MFSD12: variants seen among roughly 807,000 people sequenced by gnomAD.
MFSD12 encodes the protein major facilitator superfamily domain-containing protein 12.
MFSD12 carries 67 observed loss-of-function variants against 51.2 expected under a neutral mutation model. That is an observed-to-expected ratio of 1.31 (90% CI 1.08 to 1.60). MFSD12 has a LOEUF of 1.60. MFSD12 is among the 40% of genes most tolerant of loss of function. The probability of loss-of-function intolerance (pLI) is 0.00; values close to 1 mark genes in which losing one functional copy is unlikely to be tolerated. For synonymous variants in MFSD12, 441 were observed against 316.7 expected (o/e 1.39, Z -4.17); for missense variants, 921 against 673.0 (o/e 1.37, Z -4.08).
intron 1 of MFSD12, 123 bp downstream of exon 1, chr19:3,556,983 G>A (rs1322271283): frequency 5.1e-6 from 5 of 975,122 alleles, no homozygotes; most frequent in Admixed American, 3.6e-5. Context: ...GGGACAGACA[G>A]ACCGAGGGGA....
At position 3,544,711 on chromosome 19, in the gene MFSD12, C is replaced by T; in HGVS notation, c.1442G>A (p.Ter481=). ...ACAGGTGCAGGAGGCTGTCAGGAGT[C>T]AGGGCCGGGCATCACGGTCCCCTGC... ...LRRWDRDARP[*] The change falls in exon 10 of 10, where the codon TGA becomes TAA. Residue 481 remains the stop codon, a stop_retained_variant. Coordinates refer to ENST00000355415, the MANE Select transcript of MFSD12 (RefSeq NM_174983.5). 2 of 1,599,562 alleles carry T rather than the reference C, an allele frequency of 1.3e-6. No individual in the cohort carries two copies. Among genetic ancestry groups the T allele is most frequent in the East Asian group, 4.5e-5 (2 of 44,622 alleles).
intron 4 of MFSD12, chr19:3,538,930 G>GCATAGAGCTGGGGGCTC: frequency 1.5e-6 from 1 of 655,182 alleles, no homozygotes; most frequent in South Asian, 1.7e-5. Context: ...GGTGGGGGGT[G>GCATAGAGCTGGGGGCTC]CATAGAGCTG....
chr19:3,544,493 G>C lies in MFSD12; in HGVS notation c.*217C>G. 7.2e-7 allele frequency: 1 copy of C among 1,393,204 alleles called. No individual in the cohort carries two copies. Among genetic ancestry groups the C allele is most frequent in the Non-Finnish European group, 9.3e-7 (1 of 1,076,242 alleles). The allele number at this position is 1,393,204 out of a possible 1,614,324, so 86.3% of individuals were successfully genotyped here. A position where few individuals can be genotyped will look rare whatever the true frequency, so the allele number is the denominator to read the frequency against. ...CAGAGGGCTGGGATGGATTAGAGTTGAGAATGGGACACCCTCAAAACCCAG... is the reference window on the plus strand; with the variant it reads ...CAGAGGGCTGGGATGGATTAGAGTTCAGAATGGGACACCCTCAAAACCCAG... On this transcript the variant is annotated 3_prime_UTR_variant, in exon 10 of 10. Coordinates refer to ENST00000355415, the MANE Select transcript of MFSD12 (RefSeq NM_174983.5).
At chr19:3,553,631 G>A (rs146745750) in intron 1 of MFSD12, among the ~76,000 whole-genome samples, 3,138 of 150,476 alleles carry the variant, frequency 0.021, 44 homozygotes, top group East Asian at 0.052. Context: ...TTAGCCGGGC[G>A]TGGCGGCGGG....
rs2031068158 is a variant in MFSD12, at chr19:3,546,497, C to G, written c.1024-72G>C. The G allele has an allele frequency of 1.1e-5, 17 of 1,500,358 alleles. 1 individual carries two copies. In the South Asian group the frequency reaches 2.1e-4, roughly 18 times the overall value. 92.9% of individuals were successfully genotyped at this position (1,500,358 alleles called of 1,614,324 possible). ...AAGCCTGGCGCTTCAATCCGCCACCCCTACCCCCAACCCCAGCAAACAAGG... is the reference window on the plus strand; with the variant it reads ...AAGCCTGGCGCTTCAATCCGCCACCGCTACCCCCAACCCCAGCAAACAAGG... On this transcript the variant is annotated intron_variant, in intron 6 of 9. Transcript: ENST00000355415.
intron 1 of MFSD12, 40 bp downstream of exon 1, chr19:3,557,066 G>C: frequency 7.2e-7 from 1 of 1,392,772 alleles, no homozygotes; most frequent in Non-Finnish European, 9.2e-7. Flanking sequence ...GCGGAGTCTC[G>C]GAGGGGCTGC....
In MFSD12 at chr19:3,544,821, G is replaced by A. The variant is rs200568256; in HGVS notation, c.1408C>T (p.Arg470Cys). The change falls in exon 9 of 10, where the codon CGC (arginine) becomes TGC (cysteine). Residue 470 changes from arginine to cysteine, a missense_variant. Arg to Cys is a radical substitution (Grantham distance 180, BLOSUM62 -3). Coordinates refer to ENST00000355415, the MANE Select transcript of MFSD12 (RefSeq NM_174983.5). ...GGCCAGGACTCACAGCGTCGCAGGC[G>A]GGTCGGCCACAGCAGGAGGCTACAG... is the stretch of plus-strand genomic sequence containing the variant. ...CLCSLLLWPTRLRRWDRDARP is the reference protein window; with the variant it reads ...CLCSLLLWPTCLRRWDRDARP The A allele has an allele frequency of 2.1e-4, 339 of 1,612,326 alleles. No individual in the cohort carries two copies. Among genetic ancestry groups the A allele is most frequent in the Admixed American group, 7.0e-4 (42 of 59,936 alleles).
chr19:3,554,450 C>CAA (rs1187548758), intron 1 of MFSD12, among the ~76,000 whole-genome samples: 11 of 71,778 alleles, frequency 1.5e-4, no homozygotes, highest in Non-Finnish European at 1.5e-4. Flanking sequence ...AACAACAAAA[C>CAA]AAAAAAAAAA....
At chr19:3,545,149 A>G (rs533225715) in intron 8 of MFSD12, among the ~76,000 whole-genome samples, 1 of 151,860 alleles carries the variant, frequency 6.6e-6, no homozygotes, top group Non-Finnish European at 1.5e-5. Context: ...CAAATCCACC[A>G]TGTCTCCCCT....
chr19:3,545,533 G>A (rs1055779586), intron 8 of MFSD12, among the ~76,000 whole-genome samples: 2 of 152,224 alleles, frequency 1.3e-5, no homozygotes, highest in Non-Finnish European at 2.9e-5. Context: ...CATCCTGCAG[G>A]TGTCAGGGCC....
Position 3,546,328 on chromosome 19 carries a change from A to AGCACAGCCGCTGCGT in MFSD12, c.1106_1120dup (p.Val373_Leu374insHisAlaAlaAlaVal). The AGCACAGCCGCTGCGT allele has an allele frequency of 6.2e-7, 1 of 1,608,774 alleles. No individual in the cohort carries two copies. The highest frequency in any genetic ancestry group is 8.5e-7 in the Non-Finnish European group (1 of 1,178,414). On this transcript the variant is annotated inframe_insertion, in exon 7 of 10. Transcript: ENST00000355415. Reference sequence around the variant, plus strand: ...GATGGTGGCACAGCCAGCACCCAGCAGCACAGCCGCTGCGTACACGGCCAC... The same window carrying AGCACAGCCGCTGCGT: ...GATGGTGGCACAGCCAGCACCCAGCAGCACAGCCGCTGCGTGCACAGCCGCTGCGTACACGGCCAC...
chr19:3,546,234 C>G (rs755330713), intron 7 of MFSD12, 21 bp downstream of exon 7: 17 of 1,606,848 alleles, frequency 1.1e-5, no homozygotes, highest in Non-Finnish European at 1.4e-5. Context: ...TCCCCCACCC[C>G]AGCCTGGCTA....
chr19:3,539,093 G>C (rs1235502318), intron 4 of MFSD12: 5 of 843,614 alleles, frequency 5.9e-6, no homozygotes, highest in Non-Finnish European at 7.7e-6. Flanking sequence ...TGGTCAGCGT[G>C]GTTGCCGAGA....
In MFSD12 at chr19:3,546,413, A is replaced by G. The variant is rs780155151; in HGVS notation, c.1036T>C (p.Ser346Pro). Residue 346 changes from serine (S) to proline (P), a missense_variant, in exon 7 of 10, where the codon TCA becomes CCA. Coordinates refer to ENST00000355415, the MANE Select transcript of MFSD12 (RefSeq NM_174983.5). ...AAGGCCAGGATCACCAGGAGGCCTGAGAAGTAGGTCATCTGCAGGGACAGC... is the reference window on the plus strand; with the variant it reads ...AAGGCCAGGATCACCAGGAGGCCTGGGAAGTAGGTCATCTGCAGGGACAGC... ...KCIGRNMTYF[S>P]GLLVILAFAA... The G allele has an allele frequency of 6.2e-7, 1 of 1,606,218 alleles. No individual in the cohort carries two copies. Among genetic ancestry groups the G allele is most frequent in the Non-Finnish European group, 8.5e-7 (1 of 1,177,154 alleles).
Position 3,544,951 on chromosome 19 carries a change from G to C in MFSD12, c.1290-12C>G, listed in dbSNP as rs2030850935. The C allele has an allele frequency of 6.3e-7, 1 of 1,599,748 alleles. No individual in the cohort carries two copies. The highest frequency in any genetic ancestry group is 1.3e-5 in the African/African-American group (1 of 74,634). On this transcript the variant is annotated splice_polypyrimidine_tract_variant and intron_variant, in intron 8 of 9. Coordinates refer to ENST00000355415, the MANE Select transcript of MFSD12 (RefSeq NM_174983.5). ...AGCAGAGCTCTGAGCTGTGGGAGGAGGCGGGGGATGAGTAGGCACCGCGGG... is the reference window on the plus strand; with the variant it reads ...AGCAGAGCTCTGAGCTGTGGGAGGACGCGGGGGATGAGTAGGCACCGCGGG...
In MFSD12 at chr19:3,551,428, A is replaced by C. The variant is rs887449935; in HGVS notation, c.299-234T>G. On this transcript the variant is annotated intron_variant, in intron 1 of 9. Transcript: ENST00000355415. This position sits in a 1 kb window ranked among gnomAD's most constrained non-coding sequence, Gnocchi z 4.6. ...CTGGGCTCAGCCTGCAAGTCAGAAG[A>C]AGCCAGGCGCAGGGGGTCCCCCGGA... is the stretch of plus-strand genomic sequence containing the variant. Among the ~76,000 whole-genome samples the C allele has an allele frequency of 6.6e-6, 1 of 152,164 alleles. No individual in the cohort carries two copies. Among genetic ancestry groups the C allele is most frequent in the East Asian group, 1.9e-4 (1 of 5,186 alleles).
Position 3,547,859 on chromosome 19 carries a change from C to T in MFSD12, c.826G>A (p.Ala276Thr). 1 of 1,508,474 alleles carries T rather than the reference C, an allele frequency of 6.6e-7. No individual in the cohort carries two copies. Among genetic ancestry groups the T allele is most frequent in the Non-Finnish European group, 8.8e-7 (1 of 1,133,212 alleles). The allele number at this position is 1,508,474 out of a possible 1,614,324, so 93.4% of individuals were successfully genotyped here. A position where few individuals can be genotyped will look rare whatever the true frequency, so the allele number is the denominator to read the frequency against. Residue 276 changes from alanine to threonine, a missense_variant, in exon 4 of 10, where the codon GCT (alanine) becomes ACT (threonine). By Grantham distance (58) the Ala-to-Thr change is moderately conservative. Transcript: ENST00000355415. The part of the protein sequence containing the change: ...LLWKHWLREP[A>T]FYQVGILYMT... The stretch of plus-strand genomic sequence containing the variant: ...TCCCCAGCACGCACCTGGTAGAAAG[C>T]CGGCTCCCGGAGCCAGTGCTTCCAG...
chr19:3,539,313 C>CCCGG, downstream of MFSD12: 1 of 1,148,012 alleles, frequency 8.7e-7, no homozygotes, highest in Non-Finnish European at 1.3e-6. Context: ...CCCTCCCTCC[C>CCCGG]TGGGTGTCAG....
chr19:3,545,369 G>A (rs1396314487), intron 8 of MFSD12, among the ~76,000 whole-genome samples: 1 of 152,076 alleles, frequency 6.6e-6, no homozygotes, highest in South Asian at 2.1e-4. Flanking sequence ...CCTCCCCATG[G>A]CCCACCAGGC....
Sources: allele counts gnomAD v4.1 joint callset (sites outside exome capture counted in the v4.1 genomes callset), GRCh38; gene constraint gnomAD v4.1.1; non-coding constraint Gnocchi (gnomAD v3.1); transcripts MANE v1.5; gene names NCBI Gene and HGNC (gene_info 2026-07-23, HGNC 2026-07-21).